MOV10: variants seen among roughly 807,000 people sequenced by gnomAD.
MOV10 encodes Mov10 RNA helicase, also known as RNA helicase MOV-10.
A neutral mutation model predicts 108.4 loss-of-function variants in MOV10; 39 were observed. That is an observed-to-expected ratio of 0.36 (90% CI 0.28 to 0.47). The LOEUF is 0.47. MOV10 is among the 20% of genes least tolerant of loss of function. The pLI, the probability that MOV10 is intolerant of heterozygous loss-of-function variation, is 1.00. For missense variants in MOV10, 952 were observed against 1,297.6 expected, an observed-to-expected ratio of 0.73 and a Z score of 4.09; for synonymous variants, 490 against 523.1, an observed-to-expected ratio of 0.94 and a Z score of 0.86.
At chr1:112,678,226 T>C (rs1672350626) in intron 2 of MOV10, among the ~76,000 whole-genome samples, 1 of 152,096 alleles carries the variant, frequency 6.6e-6, no homozygotes. Flanking sequence ...TTACACTGGC[T>C]TTGTTAAGTG....
intron 2 of MOV10, among the ~76,000 whole-genome samples, chr1:112,680,385 G>T (rs188875810): frequency 6.6e-6 from 1 of 152,108 alleles, no homozygotes; most frequent in Non-Finnish European, 1.5e-5. Flanking sequence ...GGCCGGGCGC[G>T]GTGGCTCACG....
chr1:112,699,529 C>T (rs1674437112), intron 17 of MOV10, 156 bp from the exon 18 acceptor site: 1 of 1,476,128 alleles, frequency 6.8e-7, no homozygotes, highest in South Asian at 1.4e-5. Flanking sequence ...TACCTCCCAT[C>T]CCCTTTCCCT....
intron 2 of MOV10, among the ~76,000 whole-genome samples, chr1:112,682,402 T>C (rs1672730635): frequency 6.6e-6 from 1 of 152,170 alleles, no homozygotes; most frequent in Admixed American, 6.5e-5. Flanking sequence ...TTTTCATTTT[T>C]TGTGGAGATG....
chr1:112,686,141 C>T (rs1262839224), intron 2 of MOV10, among the ~76,000 whole-genome samples: 2 of 152,126 alleles, frequency 1.3e-5, no homozygotes, highest in Non-Finnish European at 2.9e-5. Context: ...AGCCTGGAGC[C>T]ACTTTTCTTG....
At chr1:112,685,914 C>G (rs1381226084) in intron 2 of MOV10, among the ~76,000 whole-genome samples, 1 of 152,152 alleles carries the variant, frequency 6.6e-6, no homozygotes, top group Non-Finnish European at 1.5e-5. Context: ...GAGATGAGTT[C>G]TGTCTGCCCT....
In MOV10 at chr1:112,696,492, G is replaced by A; in HGVS notation, c.1939G>A (p.Ala647Thr). ...CTTCACACACATCTTCATCGATGAG[G>A]CTGGCCACTGCATGGAGCCTGAGAG... ...DHFTHIFIDE[A>T]GHCMEPESLV... Residue 647 changes from alanine to threonine, a missense_variant, in exon 13 of 21, where the codon GCT becomes ACT. Ala to Thr is a moderately conservative substitution (Grantham distance 58). Transcript: ENST00000369645. 6.2e-7 allele frequency: 1 copy of A among 1,614,144 alleles called. No homozygotes were observed.
Position 112,692,758 on chromosome 1 carries a change from C to A in MOV10, c.972-3C>A, listed in dbSNP as rs755030885. 48 of 1,613,672 alleles carry A rather than the reference C, an allele frequency of 3.0e-5. No individual in the cohort carries two copies. Among genetic ancestry groups the A allele is most frequent in the Non-Finnish European group, 3.8e-5 (45 of 1,179,922 alleles). On this transcript the variant is annotated splice_polypyrimidine_tract_variant and splice_region_variant and intron_variant, in intron 6 of 20. Transcript: ENST00000369645. The stretch of plus-strand genomic sequence containing the variant: ...ACTCACCCCTCCCAACCATCATTTC[C>A]AGGGCCCAGCTGGAGACAGCCCTGA...
At position 112,693,952 on chromosome 1, in the gene MOV10, C is replaced by A. The variant is rs1570795428; in HGVS notation, c.1141-66C>A. Reference sequence around the variant, plus strand: ...CCTTGTCCCTTAAAGGTCTGGGGAACCTGGGGGCTGGGCCCTCCAGCGTCC... The same window carrying A: ...CCTTGTCCCTTAAAGGTCTGGGGAAACTGGGGGCTGGGCCCTCCAGCGTCC... On this transcript the variant is annotated intron_variant, in intron 7 of 20. Transcript: ENST00000369645. 4.6e-6 allele frequency: 7 copies of A among 1,524,874 alleles called. No individual in the cohort carries two copies. In the East Asian group the frequency reaches 1.6e-4, roughly 34 times the overall value. 94.5% of individuals were successfully genotyped at this position (1,524,874 alleles called of 1,614,324 possible).
At position 112,694,843 on chromosome 1, in the gene MOV10, T is replaced by A. The variant is rs746184267; in HGVS notation, c.1567T>A (p.Phe523Ile). ...CACCCGTCCAGCCCCCTACATCATCTTTGGGCCTCCAGGCACCGGCAAGAC... is the reference window on the plus strand; with the variant it reads ...CACCCGTCCAGCCCCCTACATCATCATTGGGCCTCCAGGCACCGGCAAGAC... ...GTTRPAPYII[F>I]GPPGTGKTVT... is the part of the protein sequence containing the mutation. Residue 523 changes from phenylalanine (F) to isoleucine (I), a missense_variant, in exon 10 of 21, where the codon TTT becomes ATT. Physicochemically the swap from Phe to Ile is conservative, Grantham distance 21. This residue lies in a region of MOV10 where 453 missense variants were observed against 611.5 expected (regional missense o/e 0.74). Transcript: ENST00000369645. The surrounding 1 kb of genome is among the most constrained non-coding windows in gnomAD (Gnocchi z 4.1). 1.9e-6 allele frequency: 3 copies of A among 1,614,144 alleles called. No homozygotes were observed. The highest frequency in any genetic ancestry group is 2.5e-6 in the Non-Finnish European group (3 of 1,180,028).
intron 2 of MOV10, among the ~76,000 whole-genome samples, chr1:112,677,503 T>C (rs1672287969): frequency 6.6e-6 from 1 of 152,104 alleles, no homozygotes; most frequent in South Asian, 2.1e-4. Context: ...TCATTCTTTA[T>C]ACCTTGGGTA....
In MOV10 at chr1:112,700,530, G is replaced by A. The variant is rs771446115; in HGVS notation, c.*23G>A. ...TGAAGACACAGCACCCAGCCTTCTCGCACCAGCCAAGCCTTAACTGCCTGC... is the reference window on the plus strand; with the variant it reads ...TGAAGACACAGCACCCAGCCTTCTCACACCAGCCAAGCCTTAACTGCCTGC... On this transcript the variant is annotated 3_prime_UTR_variant, in exon 21 of 21. Transcript: ENST00000369645. The A allele has an allele frequency of 6.6e-5, 106 of 1,608,726 alleles. No homozygotes were observed. The highest frequency in any genetic ancestry group is 7.6e-5 in the Non-Finnish European group (89 of 1,177,540).
chr1:112,687,127 C>A (rs999142025), intron 2 of MOV10: 5 of 428,482 alleles, frequency 1.2e-5, no homozygotes, highest in African/African-American at 1.0e-4. Flanking sequence ...ACTACTCCTA[C>A]TACTACTGCT....
At position 112,698,278 on chromosome 1, in the gene MOV10, C is replaced by T. The variant is rs1212404734; in HGVS notation, c.2317-9C>T. ...TCTGGCTGACGGTTTCCCCCGACCC[C>T]ATGTCCAGGGCTTTCCCATCATCTT... On this transcript the variant is annotated splice_polypyrimidine_tract_variant and intron_variant, in intron 15 of 20. Transcript: ENST00000369645. 1 of 1,610,736 alleles carries T rather than the reference C, an allele frequency of 6.2e-7. No individual in the cohort carries two copies. Among genetic ancestry groups the T allele is most frequent in the East Asian group, 2.2e-5 (1 of 44,826 alleles).
Position 112,694,795 on chromosome 1 carries a change from A to AT in MOV10, c.1520dup (p.Met507IlefsTer33). ...GTCAAACCCAGAGCAGCTGCAGGCC[A>AT]TGAGGCACATTGTTACGGGCACCAC... On this transcript the variant is annotated frameshift_variant, in exon 10 of 21. Coordinates refer to ENST00000369645, the MANE Select transcript of MOV10 (RefSeq NM_001321324.2). LOFTEE classifies it high-confidence loss of function. This position sits in a 1 kb window ranked among gnomAD's most constrained non-coding sequence, Gnocchi z 4.1. 6.2e-7 allele frequency: 1 copy of AT among 1,614,148 alleles called. No homozygotes were observed. Among genetic ancestry groups the AT allele is most frequent in the Non-Finnish European group, 8.5e-7 (1 of 1,180,020 alleles).
chr1:112,682,659 C>T (rs1304506914), intron 2 of MOV10, among the ~76,000 whole-genome samples: 4 of 152,202 alleles, frequency 2.6e-5, no homozygotes, highest in African/African-American at 9.6e-5. Context: ...CACCCAGAAG[C>T]AACCACTGCT....
In MOV10 at chr1:112,691,723, C is replaced by G. The variant is rs148870988; in HGVS notation, c.895C>G (p.Arg299Gly). 5 of 1,614,042 alleles carry G rather than the reference C, an allele frequency of 3.1e-6. No homozygotes were observed. In the South Asian group the frequency reaches 5.5e-5, roughly 18 times the overall value. Residue 299 changes from arginine to glycine, a missense_variant, in exon 6 of 21, where the codon CGC becomes GGC. Physicochemically the swap from Arg to Gly is moderately radical, Grantham distance 125 (BLOSUM62 -2). Transcript: ENST00000369645. The stretch of plus-strand genomic sequence containing the variant: ...GCTGGGGACATACTACCCACCTCCC[C>G]GCCTCAGGCAGCTGCTCCCCATGCT... Reference protein sequence around the residue: ...MALGTYYPPPRLRQLLPMLLQ... With the variant: ...MALGTYYPPPGLRQLLPMLLQ...
intron 5 of MOV10, among the ~76,000 whole-genome samples, chr1:112,690,381 A>G (rs929157752): frequency 1.3e-5 from 2 of 152,114 alleles, no homozygotes; most frequent in African/African-American, 4.8e-5. Context: ...TTGTTTTGAG[A>G]TGGAGTCTTG....
rs1332339307 is a variant in MOV10 at position 112,696,637 on chromosome 1, G to C, written c.1989G>C (p.Met663Ile). 1 of 1,612,388 alleles carries C rather than the reference G, an allele frequency of 6.2e-7. No individual in the cohort carries two copies. Among genetic ancestry groups the C allele is most frequent in the East Asian group, 2.2e-5 (1 of 44,864 alleles). Reference protein sequence around the residue: ...PESLVAIAGLMEVKETGDPGG... With the variant: ...PESLVAIAGLIEVKETGDPGG... ...ACCTCTTCTGCTTCCCAGGGCTGAT[G>C]GAAGTAAAGGAAACAGGTGATCCAG... is the stretch of plus-strand genomic sequence containing the variant. Residue 663 changes from methionine (M) to isoleucine (I), a missense_variant, in exon 14 of 21, where the codon ATG (methionine) becomes ATC (isoleucine). By Grantham distance (10) the Met-to-Ile change is conservative. This residue lies in a region of MOV10 where 453 missense variants were observed against 611.5 expected (regional missense o/e 0.74). Coordinates refer to ENST00000369645, the MANE Select transcript of MOV10 (RefSeq NM_001321324.2).
chr1:112,696,085 C>T, intron 11 of MOV10, 63 bp from the exon 12 acceptor site: 1 of 1,125,862 alleles, frequency 8.9e-7, no homozygotes, highest in Middle Eastern at 2.0e-4. Context: ...GTACCCACAG[C>T]CAGAATCACG....
Sources: allele counts gnomAD v4.1 joint callset (sites outside exome capture counted in the v4.1 genomes callset), GRCh38; gene constraint gnomAD v4.1.1; regional missense constraint gnomAD v4.1.1; non-coding constraint Gnocchi (gnomAD v3.1); transcripts MANE v1.5; gene names NCBI Gene and HGNC (gene_info 2026-07-23, HGNC 2026-07-21).